INSYN2A: variants seen among roughly 807,000 people sequenced by gnomAD.
INSYN2A encodes the protein family with sequence similarity 196 member A.
In INSYN2A, 17 loss-of-function variants were observed where a neutral mutation model predicts 39.4. The observed-to-expected ratio is 0.43, with a 90% CI of 0.30 to 0.65. INSYN2A has a LOEUF of 0.65. Ranked by LOEUF, INSYN2A falls within the 30% of genes least tolerant of loss-of-function variation. INSYN2A has a pLI of 0.14. For synonymous variants in INSYN2A, 255 were observed against 265.7 expected (o/e 0.96, Z 0.39); for missense variants, 595 against 631.2 (o/e 0.94, Z 0.61).
In INSYN2A at chr10:127,137,573, T is replaced by C. The variant is rs918697391; in HGVS notation, c.*264A>G. On this transcript the variant is annotated 3_prime_UTR_variant, in exon 6 of 6. Transcript: ENST00000522781. ...GGGGGTGGGGGAAAATTTTTACTTA[T>C]CATCTTTGACTACGTAAGTTTCATT... 2.8e-5 allele frequency: 10 copies of C among 358,926 alleles called. No individual in the cohort carries two copies. Among genetic ancestry groups the C allele is most frequent in the Admixed American group, 2.6e-4 (6 of 23,304 alleles). The allele number at this position is 358,926 out of a possible 1,614,324, so 22.2% of individuals were successfully genotyped here.
At chr10:127,188,036 G>C (rs1261132035) in intron 2 of INSYN2A, among the ~76,000 whole-genome samples, 1 of 152,158 alleles carries the variant, frequency 6.6e-6, no homozygotes, top group East Asian at 1.9e-4. Context: ...CAGAAATATT[G>C]ACTGAACGAA....
At chr10:127,193,246 G>A (rs2056875825) in intron 1 of INSYN2A, among the ~76,000 whole-genome samples, 1 of 152,148 alleles carries the variant, frequency 6.6e-6, no homozygotes, top group South Asian at 2.1e-4. Flanking sequence ...TGAAAATGAC[G>A]ATGACACTGG....
At chr10:127,152,580 A>G (rs2052614278) in intron 5 of INSYN2A, among the ~76,000 whole-genome samples, 1 of 152,098 alleles carries the variant, frequency 6.6e-6, no homozygotes, top group Admixed American at 6.6e-5. Context: ...CCTCAGCACT[A>G]TTGACATTTG....
At chr10:127,143,152 C>G (rs2051437155) in intron 5 of INSYN2A, among the ~76,000 whole-genome samples, 1 of 152,190 alleles carries the variant, frequency 6.6e-6, no homozygotes, top group African/African-American at 2.4e-5. Flanking sequence ...ACTGAATCCT[C>G]AAGATAATTT....
intron 2 of INSYN2A, among the ~76,000 whole-genome samples, chr10:127,180,450 G>A (rs1047378872): frequency 6.6e-6 from 1 of 152,312 alleles, no homozygotes; most frequent in East Asian, 1.9e-4. Context: ...ATTGGACTGT[G>A]CTGTCTTGAG....
chr10:127,150,768 A>G (rs966555525), intron 5 of INSYN2A, among the ~76,000 whole-genome samples: 3 of 152,138 alleles, frequency 2.0e-5, no homozygotes, highest in East Asian at 1.9e-4. Context: ...AAAATATTCA[A>G]TGAAAAAGGT....
chr10:127,157,962 C>G (rs778895507), intron 4 of INSYN2A, among the ~76,000 whole-genome samples: 53 of 152,194 alleles, frequency 3.5e-4, no homozygotes, highest in Non-Finnish European at 6.0e-4. Context: ...TTATTAAGCA[C>G]GAGAGTGTTC....
intron 2 of INSYN2A, among the ~76,000 whole-genome samples, chr10:127,183,187 A>T (rs1175622580): frequency 6.7e-6 from 1 of 148,842 alleles, no homozygotes; most frequent in African/African-American, 2.5e-5. Context: ...ATATCAAAGG[A>T]GTCTGTTTTC....
At chr10:127,156,731 G>T (rs2053120586) in intron 4 of INSYN2A, among the ~76,000 whole-genome samples, 1 of 151,748 alleles carries the variant, frequency 6.6e-6, no homozygotes, top group Non-Finnish European at 1.5e-5. Flanking sequence ...ACCACTCCCG[G>T]CTAATTTTGT....
intron 4 of INSYN2A, among the ~76,000 whole-genome samples, chr10:127,167,931 C>G (rs529077670): frequency 5.5e-4 from 84 of 152,298 alleles, no homozygotes; most frequent in African/African-American, 1.9e-3. Flanking sequence ...AGGGTTGCTT[C>G]CCAGTAGCAA....
At chr10:127,190,099 A>G (rs2056607217) in intron 2 of INSYN2A, among the ~76,000 whole-genome samples, 1 of 152,180 alleles carries the variant, frequency 6.6e-6, no homozygotes, top group Admixed American at 6.5e-5. Flanking sequence ...ACATTTTCTC[A>G]ATTCTCCTTA....
chr10:127,141,193 C>T (rs2051207258), intron 5 of INSYN2A, among the ~76,000 whole-genome samples: 1 of 152,166 alleles, frequency 6.6e-6, no homozygotes, highest in African/African-American at 2.4e-5. Flanking sequence ...CCCAATCCAT[C>T]CTGTCTTATT....
chr10:127,158,279 C>G (rs532724014), intron 4 of INSYN2A, among the ~76,000 whole-genome samples: 11 of 152,156 alleles, frequency 7.2e-5, no homozygotes, highest in African/African-American at 2.2e-4. Flanking sequence ...TAAGGAAGAA[C>G]AACCTAAAAA....
chr10:127,166,438 G>T lies in INSYN2A; in HGVS notation c.1184+8774C>A, dbSNP rs1310559226. 3.9e-5 allele frequency among the ~76,000 whole-genome samples: 6 copies of T among 152,164 alleles called. No homozygotes were observed. In the South Asian group the frequency reaches 8.3e-4, roughly 21 times the overall value. On this transcript the variant is annotated intron_variant, in intron 4 of 5. Coordinates refer to ENST00000522781, the MANE Select transcript of INSYN2A (RefSeq NM_001039762.3). ...AGGGGAGAGAGAAGATGAGTGGGCC[G>T]GTCTGACAGCCCAGATGTGAATTCT...
intron 2 of INSYN2A, 141 bp downstream of exon 2, chr10:127,192,464 T>A (rs2056825440): frequency 2.0e-5 from 3 of 152,216 alleles, no homozygotes; most frequent in Non-Finnish European, 4.4e-5. Flanking sequence ...CAGGTTAGAA[T>A]GTTTTGTTTT....
chr10:127,142,560 T>C (rs1051844157), intron 5 of INSYN2A, among the ~76,000 whole-genome samples: 22 of 152,082 alleles, frequency 1.4e-4, no homozygotes, highest in African/African-American at 4.3e-4. Context: ...CTGTGCGGGG[T>C]GTTCTGTCCT....
chr10:127,142,464 T>C (rs1162042430), intron 5 of INSYN2A, among the ~76,000 whole-genome samples: 1 of 152,144 alleles, frequency 6.6e-6, no homozygotes, highest in African/African-American at 2.4e-5. Context: ...TTCTTACTCC[T>C]GGGGAGGAGC....
chr10:127,172,843 G>A (rs2054705042), intron 4 of INSYN2A, among the ~76,000 whole-genome samples: 1 of 152,168 alleles, frequency 6.6e-6, no homozygotes, highest in South Asian at 2.1e-4. Context: ...CTGGGATACC[G>A]GAGTGAATGA....
chr10:127,173,398 C>T (rs1022147878), intron 4 of INSYN2A, among the ~76,000 whole-genome samples: 7 of 152,100 alleles, frequency 4.6e-5, no homozygotes, highest in Non-Finnish European at 8.8e-5. Context: ...TCTCAGAGAA[C>T]CCTGAGGATC....
Sources: gnomAD v4.1 joint callset for allele counts (sites outside exome capture counted in the v4.1 genomes callset) on GRCh38, gnomAD v4.1.1 for gene constraint, MANE v1.5 for transcripts, NCBI Gene and HGNC (gene_info 2026-07-23, HGNC 2026-07-21) for gene names.